RORA: variants seen among roughly 807,000 people sequenced by gnomAD.
RORA encodes the protein nuclear receptor ROR-alpha.
In RORA, 7 loss-of-function variants were observed where a neutral mutation model predicts 69.5. The ratio of observed to expected loss-of-function variants is 0.10; its 90% CI spans 0.06 to 0.19. The LOEUF is 0.19. Ranked by LOEUF, RORA falls within the 10% of genes least tolerant of loss-of-function variation. The pLI, the probability that RORA is intolerant of heterozygous loss-of-function variation, is 1.00. For missense variants in RORA, 457 were observed against 663.0 expected (o/e 0.69, Z 3.41); for synonymous variants, 261 against 240.8 (o/e 1.08, Z -0.78).
At chr15:60,793,040 GAA>G (rs61443323) in intron 1 of RORA, among the ~76,000 whole-genome samples, 1 of 141,430 alleles carries the variant, frequency 7.1e-6, no homozygotes. Flanking sequence ...GAGAGAGAGA[GAA>G]AAAAAAAAAG....
chr15:61,117,178 CTT>C (rs35859710), intron 1 of RORA, among the ~76,000 whole-genome samples: 45 of 138,294 alleles, frequency 3.3e-4, no homozygotes, highest in African/African-American at 3.2e-4. Context: ...TTAAAAGTTA[CTT>C]TTTTTTTTTT....
At chr15:60,711,997 G>A (rs184666619) in intron 1 of RORA, among the ~76,000 whole-genome samples, 36 of 140,268 alleles carry the variant, frequency 2.6e-4, no homozygotes, top group South Asian at 2.2e-4. Flanking sequence ...TTTGTGATAC[G>A]TAGTCTAATA....
chr15:61,059,622 T>C (rs2078142985), intron 1 of RORA, among the ~76,000 whole-genome samples: 1 of 152,154 alleles, frequency 6.6e-6, no homozygotes, highest in Admixed American at 6.5e-5. Context: ...TTCCTCCCAG[T>C]AGGAAATTAG....
At chr15:60,850,186 G>A (rs2073309103) in intron 1 of RORA, among the ~76,000 whole-genome samples, 2 of 152,146 alleles carry the variant, frequency 1.3e-5, no homozygotes, top group Admixed American at 1.3e-4. Flanking sequence ...CACTCATTCT[G>A]CCTCTCACAT....
chr15:61,176,804 A>G (rs1016773032), intron 1 of RORA, among the ~76,000 whole-genome samples: 7 of 152,226 alleles, frequency 4.6e-5, no homozygotes, highest in African/African-American at 1.7e-4. Context: ...GGCATTTAGT[A>G]AAAATGACTA....
At chr15:60,792,496 A>G (rs2072431964) in intron 1 of RORA, among the ~76,000 whole-genome samples, 1 of 152,240 alleles carries the variant, frequency 6.6e-6, no homozygotes, top group African/African-American at 2.4e-5. Flanking sequence ...AGAAAACAAT[A>G]TCTAGACAAA....
intron 2 of RORA, among the ~76,000 whole-genome samples, chr15:60,671,514 C>T (rs918791821): frequency 5.9e-5 from 9 of 151,980 alleles, no homozygotes; most frequent in East Asian, 1.9e-4. Flanking sequence ...CAGTGGCTCA[C>T]GCCTGTAATC....
At chr15:61,200,157 C>G (rs147142706) in intron 1 of RORA, among the ~76,000 whole-genome samples, 2 of 152,302 alleles carry the variant, frequency 1.3e-5, no homozygotes, top group South Asian at 2.1e-4. Context: ...GGACTGGGGT[C>G]TATCAGAGCT....
chr15:61,177,976 GAAAAAGA>G (rs1200213305), intron 1 of RORA, among the ~76,000 whole-genome samples: 1 of 149,450 alleles, frequency 6.7e-6, no homozygotes, highest in Non-Finnish European at 1.5e-5. Context: ...AAAAAAAAAA[GAAAAAGA>G]AAAAAGAAAG....
chr15:60,907,914 C>G (rs1241159700), intron 1 of RORA, among the ~76,000 whole-genome samples: 31 of 152,180 alleles, frequency 2.0e-4, no homozygotes. Context: ...AACCTTGCTC[C>G]CAGGTGCACA....
intron 2 of RORA, among the ~76,000 whole-genome samples, chr15:60,664,511 G>T (rs947115745): frequency 6.6e-6 from 1 of 152,208 alleles, no homozygotes; most frequent in Non-Finnish European, 1.5e-5. Context: ...AAGCCTAAAA[G>T]ATCTTCTTCC....
At chr15:61,069,974 C>G (rs2078317957) in intron 1 of RORA, among the ~76,000 whole-genome samples, 1 of 152,138 alleles carries the variant, frequency 6.6e-6, no homozygotes, top group African/African-American at 2.4e-5. Flanking sequence ...TTGCTCCTTT[C>G]TGGAGAAAAC....
chr15:60,836,833 C>CG (rs200051502), intron 1 of RORA, among the ~76,000 whole-genome samples: 3,079 of 152,270 alleles, frequency 0.02, 38 homozygotes, highest in Non-Finnish European at 0.031. Context: ...TCAGCTCCCC[C>CG]CTCTGCCCTC....
In RORA at chr15:60,794,533, C is replaced by T. The variant is rs1275887469; in HGVS notation, c.167-115847G>A. Among the ~76,000 whole-genome samples, 3 of 152,198 alleles carry T rather than the reference C, an allele frequency of 2.0e-5. No homozygotes were observed. In the South Asian group the frequency reaches 6.2e-4, roughly 32 times the overall value. On this transcript the variant is annotated intron_variant, in intron 1 of 10. Coordinates refer to ENST00000335670, the MANE Select transcript of RORA (RefSeq NM_134261.3). ...CCTAGGGAAAAATACTGGGTGCATA[C>T]CACTGAGCCAAAGCTTGCTTTTAGA...
At chr15:60,915,559 G>A (rs375193791) in intron 1 of RORA, among the ~76,000 whole-genome samples, 5 of 152,130 alleles carry the variant, frequency 3.3e-5, no homozygotes, top group African/African-American at 7.2e-5. Context: ...AGTACAGTAC[G>A]TTCACCACTA....
At chr15:60,897,059 G>A (rs1891249085) in intron 1 of RORA, among the ~76,000 whole-genome samples, 3 of 152,162 alleles carry the variant, frequency 2.0e-5, no homozygotes, top group Non-Finnish European at 4.4e-5. Context: ...GGGGTCTGGG[G>A]TGGGGTGGGA....
chr15:61,159,966 G>A (rs1029796259), intron 1 of RORA, among the ~76,000 whole-genome samples: 1 of 152,188 alleles, frequency 6.6e-6, no homozygotes, highest in African/African-American at 2.4e-5. Context: ...AAACGATTGG[G>A]TAGTGGACCC....
At chr15:60,899,994 GT>G (rs1891342288) in intron 1 of RORA, among the ~76,000 whole-genome samples, 2 of 152,168 alleles carry the variant, frequency 1.3e-5, no homozygotes, top group South Asian at 4.1e-4. Context: ...AATTATTTTA[GT>G]TGTTCCTAAA....
At chr15:61,223,976 A>G (rs530415063) in intron 1 of RORA, among the ~76,000 whole-genome samples, 1 of 150,522 alleles carries the variant, frequency 6.6e-6, no homozygotes, top group East Asian at 2.0e-4. Context: ...CTCATTTCTA[A>G]ACCAACACTT....
Sources: gnomAD v4.1 joint callset for allele counts (sites outside exome capture counted in the v4.1 genomes callset) on GRCh38, gnomAD v4.1.1 for gene constraint, MANE v1.5 for transcripts, NCBI Gene and HGNC (gene_info 2026-07-23, HGNC 2026-07-21) for gene names.